The following ANAPC1 variants were observed in gnomAD, a reference collection of about 807,000 sequenced individuals.
The protein encoded by ANAPC1 is anaphase-promoting complex subunit 1.
In ANAPC1, 36 loss-of-function variants were observed where a neutral mutation model predicts 208.0. That is an observed-to-expected ratio of 0.17 (90% CI 0.13 to 0.23). The LOEUF (loss-of-function observed/expected upper bound fraction) is 0.23. Ranked by LOEUF, ANAPC1 falls within the 10% of genes least tolerant of loss-of-function variation. The pLI, the probability that ANAPC1 is intolerant of heterozygous loss-of-function variation, is 1.00. For synonymous variants in ANAPC1, 378 were observed against 695.2 expected, an observed-to-expected ratio of 0.54 and a Z score of 7.18; for missense variants, 942 against 2,011.6, an observed-to-expected ratio of 0.47 and a Z score of 10.17.
intron 34 of ANAPC1, 34 bp from the exon 35 acceptor site, chr2:111,794,928 C>T (rs1318059527): frequency 1.2e-6 from 1 of 825,238 alleles, no homozygotes; most frequent in African/African-American, 1.7e-5. Context: ...ACTTAGATAT[C>T]AATGTTCTCA....
chr2:111,794,705 A>C (rs1324849020), intron 35 of ANAPC1, 113 bp downstream of exon 35: 1 of 1,372,664 alleles, frequency 7.3e-7, no homozygotes, highest in African/African-American at 1.4e-5. Context: ...GGTTAGAAAT[A>C]TGTGGGATTC....
At chr2:111,838,015 G>A (rs1023544315) in intron 18 of ANAPC1, among the ~76,000 whole-genome samples, 33 of 146,448 alleles carry the variant, frequency 2.3e-4, no homozygotes, top group African/African-American at 7.6e-4. Context: ...AACCTGGGAG[G>A]CGGAGATTGC....
Position 111,863,872 on chromosome 2 carries a change from GA to G in ANAPC1, c.854del (p.Phe285SerfsTer31). On this transcript the variant is annotated frameshift_variant, in exon 9 of 48. Coordinates refer to ENST00000341068, the MANE Select transcript of ANAPC1 (RefSeq NM_022662.4). LOFTEE classifies it high-confidence loss of function. Reference protein sequence around the residue: ...KSEEENVVLKFSEQGGTPQNV... With the variant: ...KSEEENVVLKXSEQGGTPQNV... The stretch of plus-strand genomic sequence containing the variant: ...TCTGTGGGGTTCCCCCCTGTTCAGA[GA>G]ACTTTAAAACAACATTCTCTTCCTT... 1 of 1,604,926 alleles carries G rather than the reference GA, an allele frequency of 6.2e-7. No homozygotes were observed. The highest frequency in any genetic ancestry group is 8.5e-7 in the Non-Finnish European group (1 of 1,176,448).
At chr2:111,823,135 G>A (rs1244548449) in intron 24 of ANAPC1, among the ~76,000 whole-genome samples, 1 of 145,674 alleles carries the variant, frequency 6.9e-6, no homozygotes, top group Non-Finnish European at 1.5e-5. Flanking sequence ...TCAGCCTCCC[G>A]AGTAGCTGGG....
chr2:111,833,495 C>A (rs1680294039), intron 19 of ANAPC1, among the ~76,000 whole-genome samples, 184 bp from the exon 20 acceptor site: 1 of 151,934 alleles, frequency 6.6e-6, no homozygotes, highest in Admixed American at 6.6e-5. Context: ...GGAACCCAAT[C>A]TCTTTTTGCT....
downstream of ANAPC1, chr2:111,766,796 G>C (rs556778237): frequency 5.9e-5 from 22 of 375,034 alleles, no homozygotes; most frequent in Non-Finnish European, 1.1e-4. Context: ...GCTGAGAGAT[G>C]AAAGACCCCC....
At chr2:111,852,191 T>C (rs1402004673) in intron 13 of ANAPC1, among the ~76,000 whole-genome samples, 13 of 150,226 alleles carry the variant, frequency 8.7e-5, no homozygotes, top group Non-Finnish European at 5.9e-5. Flanking sequence ...ATAAAATTTA[T>C]AATGCAACTA....
At chr2:111,846,445 C>T (rs1264745837) in intron 16 of ANAPC1, among the ~76,000 whole-genome samples, 1 of 136,772 alleles carries the variant, frequency 7.3e-6, no homozygotes, top group East Asian at 2.1e-4. Context: ...GAAAAAAAAA[C>T]ATTAAATATG....
At chr2:111,844,593 T>C (rs1421429955) in intron 16 of ANAPC1, among the ~76,000 whole-genome samples, 2 of 149,612 alleles carry the variant, frequency 1.3e-5, no homozygotes, top group African/African-American at 2.5e-5. Flanking sequence ...AAAGTCACTA[T>C]GAAAAACATA....
At chr2:111,837,980 G>T (rs547576267) in intron 18 of ANAPC1, among the ~76,000 whole-genome samples, 1 of 151,610 alleles carries the variant, frequency 6.6e-6, no homozygotes, top group South Asian at 2.1e-4. Flanking sequence ...AGCTATTCAG[G>T]AGGCTGAGGC....
Position 111,854,645 on chromosome 2 carries a change from T to C in ANAPC1, c.1515+1969A>G, listed in dbSNP as rs544794691. On this transcript the variant is annotated intron_variant, in intron 13 of 47. Transcript: ENST00000341068. ...CACATGCTGCTTCACCTTGCACTTCTGTGTTATGGGGAGGGCTTTTTTCCT... is the reference window on the plus strand; with the variant it reads ...CACATGCTGCTTCACCTTGCACTTCCGTGTTATGGGGAGGGCTTTTTTCCT... Among the ~76,000 whole-genome samples the C allele has an allele frequency of 5.9e-5, 9 of 152,286 alleles. 1 individual carries two copies. The highest frequency in any genetic ancestry group is 2.2e-4 in the African/African-American group (9 of 41,570).
Position 111,872,726 on chromosome 2 carries a change from G to T in ANAPC1, c.529-14C>A, listed in dbSNP as rs771125278. On this transcript the variant is annotated splice_polypyrimidine_tract_variant and intron_variant, in intron 5 of 47. Coordinates refer to ENST00000341068, the MANE Select transcript of ANAPC1 (RefSeq NM_022662.4). The stretch of plus-strand genomic sequence containing the variant: ...AACATTTGCAACCTTTCAGGTAAAA[G>T]GGTGGGAAAAGATAGAAGTAAGAGA... 1.1e-5 allele frequency: 17 copies of T among 1,592,850 alleles called. No individual in the cohort carries two copies. Among genetic ancestry groups the T allele is most frequent in the Non-Finnish European group, 1.4e-5 (16 of 1,161,444 alleles).
In ANAPC1 at chr2:111,878,327, A is replaced by C. The variant is rs528013517; in HGVS notation, c.375+483T>G. Among the ~76,000 whole-genome samples, 59 of 152,362 alleles carry C rather than the reference A, an allele frequency of 3.9e-4. 2 individuals carry two copies. In the South Asian group the frequency reaches 9.9e-3, roughly 26 times the overall value. Reference sequence around the variant, plus strand: ...ATGAACTGCATGTCTTCCTGAAAAAATATGGCAAATGCTTAATTCTTTCCC... The same window carrying C: ...ATGAACTGCATGTCTTCCTGAAAAACTATGGCAAATGCTTAATTCTTTCCC... On this transcript the variant is annotated intron_variant, in intron 3 of 47. Coordinates refer to ENST00000341068, the MANE Select transcript of ANAPC1 (RefSeq NM_022662.4).
At chr2:111,839,201 G>C (rs1265951386) in intron 17 of ANAPC1, among the ~76,000 whole-genome samples, 1 of 152,200 alleles carries the variant, frequency 6.6e-6, no homozygotes, top group African/African-American at 2.4e-5. Flanking sequence ...AAAGATAAAA[G>C]ATCCTCCATC....
chr2:111,828,710 G>A (rs1000237420), intron 21 of ANAPC1, among the ~76,000 whole-genome samples: 1 of 152,270 alleles, frequency 6.6e-6, no homozygotes, highest in African/African-American at 2.4e-5. Context: ...GATAAATATT[G>A]CTTGATTCCC....
In ANAPC1 at chr2:111,826,662, TTTA is replaced by T. The variant is rs1265260251; in HGVS notation, c.2626-810_2626-808del. On this transcript the variant is annotated intron_variant, in intron 21 of 47. Coordinates refer to ENST00000341068, the MANE Select transcript of ANAPC1 (RefSeq NM_022662.4). ...TGACCAAAGCTGCTTTATTTATTTA[TTTA>T]TTTTTTTTTTTTTTGAGACGGAGTC... 6.7e-4 allele frequency among the ~76,000 whole-genome samples: 57 copies of T among 84,676 alleles called. No individual in the cohort carries two copies. In the South Asian group the frequency reaches 0.02, roughly 29 times the overall value. 55.6% of individuals were successfully genotyped at this position (84,676 alleles called of 152,430 possible).
At chr2:111,823,000 CTTTTTT>C (rs58815496) in intron 24 of ANAPC1, among the ~76,000 whole-genome samples, 5 of 61,304 alleles carry the variant, frequency 8.2e-5, no homozygotes, top group African/African-American at 7.1e-5. Context: ...TCTTTTTATT[CTTTTTT>C]TTTTTTTTTT....
chr2:111,766,935 G>A (rs776680984), downstream of ANAPC1: 13 of 470,682 alleles, frequency 2.8e-5, no homozygotes, highest in East Asian at 6.9e-5. Flanking sequence ...AAGACTGGGC[G>A]GCACACGGCG....
intron 21 of ANAPC1, among the ~76,000 whole-genome samples, chr2:111,827,259 G>C (rs1679888462): frequency 6.6e-6 from 1 of 152,124 alleles, no homozygotes; most frequent in South Asian, 2.1e-4. Context: ...AAAGGAAAAA[G>C]TCTCTCAAAA....
Sources: allele counts gnomAD v4.1 joint callset (sites outside exome capture counted in the v4.1 genomes callset), GRCh38; gene constraint gnomAD v4.1.1; transcripts MANE v1.5; gene names NCBI Gene and HGNC (gene_info 2026-07-23, HGNC 2026-07-21).